TTLL11: variants seen among roughly 807,000 people sequenced by gnomAD.
TTLL11 encodes the protein tubulin polyglutamylase TTLL11.
In TTLL11, 42 loss-of-function variants were observed where a neutral mutation model predicts 51.7. The observed-to-expected ratio is 0.81, with a 90% CI of 0.64 to 1.05. The LOEUF is 1.05. TTLL11 is among the 50% of genes least tolerant of loss of function. The pLI is 0.00. For missense variants in TTLL11, 799 were observed against 940.4 expected, an observed-to-expected ratio of 0.85 and a Z score of 1.97; for synonymous variants, 381 against 383.5, an observed-to-expected ratio of 0.99 and a Z score of 0.08.
intron 3 of TTLL11, among the ~76,000 whole-genome samples, chr9:122,016,946 T>C (rs1844004285): frequency 6.6e-6 from 1 of 152,158 alleles, no homozygotes; most frequent in Admixed American, 6.5e-5. Flanking sequence ...CCTCGACTCT[T>C]CACAAAAATT....
At chr9:122,043,109 G>A (rs1023308416) in intron 1 of TTLL11, among the ~76,000 whole-genome samples, 1 of 152,162 alleles carries the variant, frequency 6.6e-6, no homozygotes, top group African/African-American at 2.4e-5. Flanking sequence ...ACATGTCAGT[G>A]TAGTTTCATC....
intron 1 of TTLL11, among the ~76,000 whole-genome samples, chr9:122,066,499 G>C (rs1845586836): frequency 6.6e-6 from 1 of 152,128 alleles, no homozygotes; most frequent in Non-Finnish European, 1.5e-5. Flanking sequence ...CAGCAGAGCT[G>C]ACTGTGAAGA....
At chr9:121,847,067 A>G (rs1275623955) in intron 8 of TTLL11, among the ~76,000 whole-genome samples, 3 of 152,120 alleles carry the variant, frequency 2.0e-5, no homozygotes, top group East Asian at 1.9e-4. Context: ...AAAATTAGCC[A>G]GGCGTGGTGG....
At chr9:121,920,142 A>AC (rs563059349) in intron 6 of TTLL11, among the ~76,000 whole-genome samples, 21 of 152,226 alleles carry the variant, frequency 1.4e-4, no homozygotes, top group African/African-American at 4.8e-4. Context: ...TCTCCAAAAA[A>AC]AATACAAAAC....
At chr9:122,083,243 G>A (rs1482865308) in intron 1 of TTLL11, among the ~76,000 whole-genome samples, 1 of 152,070 alleles carries the variant, frequency 6.6e-6, no homozygotes, top group Non-Finnish European at 1.5e-5. Flanking sequence ...CTGAGCTGAA[G>A]TGATGCATCA....
chr9:122,046,562 T>C (rs1001241327), intron 1 of TTLL11, among the ~76,000 whole-genome samples: 1 of 152,204 alleles, frequency 6.6e-6, no homozygotes, highest in African/African-American at 2.4e-5. Flanking sequence ...CATGGAGCAT[T>C]GAAAGCTGAC....
At chr9:121,971,383 C>T (rs1335593678) in intron 6 of TTLL11, among the ~76,000 whole-genome samples, 30 of 97,856 alleles carry the variant, frequency 3.1e-4, no homozygotes, top group African/African-American at 8.5e-4. Context: ...CCGCCCCGTC[C>T]GGGAGGGAGG....
intron 1 of TTLL11, among the ~76,000 whole-genome samples, chr9:122,068,868 A>G (rs1845660872): frequency 6.6e-6 from 1 of 152,158 alleles, no homozygotes; most frequent in Admixed American, 6.5e-5. Flanking sequence ...TCCTGGGCTC[A>G]CTTATAAAAA....
chr9:122,054,570 CT>C lies in TTLL11; in HGVS notation c.463-15203del, dbSNP rs141688255. The stretch of plus-strand genomic sequence containing the variant: ...AATTTAGCACTATGTTCTTTTTCCA[CT>C]TTCCAATTCATGAGGGTGATACAAA... On this transcript the variant is annotated intron_variant, in intron 1 of 8. Coordinates refer to ENST00000321582, the MANE Select transcript of TTLL11 (RefSeq NM_001139442.2). Among the ~76,000 whole-genome samples the C allele has an allele frequency of 6.2e-4, 95 of 152,298 alleles. No homozygotes were observed. The East Asian group carries it at 0.017, about 28-fold the overall frequency.
chr9:121,993,022 C>T (rs1843157119), intron 3 of TTLL11, among the ~76,000 whole-genome samples: 2 of 152,090 alleles, frequency 1.3e-5, no homozygotes, highest in Non-Finnish European at 1.5e-5. Context: ...ATAAACTAGA[C>T]CCAAAAAGAC....
At chr9:121,929,434 C>T (rs113892409) in intron 6 of TTLL11, among the ~76,000 whole-genome samples, 4,577 of 146,396 alleles carry the variant, frequency 0.031, 98 homozygotes, top group Non-Finnish European at 0.045. Flanking sequence ...AGCGAGACCC[C>T]GTCTCAAAAA....
intron 1 of TTLL11, among the ~76,000 whole-genome samples, chr9:122,057,650 A>G (rs528063695): frequency 6.6e-6 from 1 of 152,322 alleles, no homozygotes; most frequent in South Asian, 2.1e-4. Flanking sequence ...TAATTGAAGT[A>G]AAAACATCTT....
At chr9:121,852,815 C>T (rs1166727533) in intron 8 of TTLL11, among the ~76,000 whole-genome samples, 3 of 152,154 alleles carry the variant, frequency 2.0e-5, no homozygotes, top group South Asian at 2.1e-4. Context: ...ATTTTGTAAG[C>T]GTGTAGGGCA....
chr9:122,003,967 C>CAAA (rs1379895955), intron 3 of TTLL11, among the ~76,000 whole-genome samples: 1 of 150,602 alleles, frequency 6.6e-6, no homozygotes, highest in Non-Finnish European at 1.5e-5. Context: ...TACAAAAATA[C>CAAA]AAAAAGTGGC....
At chr9:122,069,906 C>T (rs72767749) in intron 1 of TTLL11, among the ~76,000 whole-genome samples, 13,861 of 151,434 alleles carry the variant, frequency 0.092, 919 homozygotes, top group African/African-American at 0.16. Context: ...ATCATGGCAC[C>T]GCTGGCCCCA....
intron 6 of TTLL11, among the ~76,000 whole-genome samples, chr9:121,943,063 A>C (rs1259510333): frequency 6.6e-6 from 1 of 152,174 alleles, no homozygotes; most frequent in Non-Finnish European, 1.5e-5. Flanking sequence ...TCCTAATCAC[A>C]CGATCGTGAA....
intron 6 of TTLL11, among the ~76,000 whole-genome samples, chr9:121,896,299 CTTTCCGGGGCTA>C (rs1211436875): frequency 2.0e-5 from 3 of 152,224 alleles, no homozygotes; most frequent in Non-Finnish European, 2.9e-5. Context: ...ACGGGCTCCC[CTTTCCGGGGCTA>C]GGTGGCTTTA....
intron 7 of TTLL11, among the ~76,000 whole-genome samples, chr9:121,867,646 C>G (rs1838218363): frequency 6.7e-6 from 1 of 149,086 alleles, no homozygotes; most frequent in African/African-American, 2.5e-5. Context: ...TCCCTGCTGC[C>G]TGGAAAAATC....
At position 121,915,996 on chromosome 9, in the gene TTLL11, C is replaced by T. The variant is rs71507971; in HGVS notation, c.1482-45248G>A. Among the ~76,000 whole-genome samples, 8 of 33,946 alleles carry T rather than the reference C, an allele frequency of 2.4e-4. No individual in the cohort carries two copies. In the East Asian group the frequency reaches 6.5e-3, roughly 28 times the overall value. 22.3% of individuals were successfully genotyped at this position (33,946 alleles called of 152,430 possible). ...ATAGACAAAGACACACACATACACA[C>T]ACACACACACACACACACACACACA... On this transcript the variant is annotated intron_variant, in intron 6 of 8. Coordinates refer to ENST00000321582, the MANE Select transcript of TTLL11 (RefSeq NM_001139442.2).
Sources: gnomAD v4.1 joint callset for allele counts (sites outside exome capture counted in the v4.1 genomes callset) on GRCh38, gnomAD v4.1.1 for gene constraint, MANE v1.5 for transcripts, NCBI Gene and HGNC (gene_info 2026-07-23, HGNC 2026-07-21) for gene names.